LSAMP: variants seen among roughly 807,000 people sequenced by gnomAD.
LSAMP encodes limbic system-associated membrane protein.
Under a neutral mutation model 38.6 loss-of-function variants are expected in LSAMP, and 7 were observed. The ratio of observed to expected loss-of-function variants is 0.18; its 90% CI spans 0.10 to 0.34. The LOEUF (loss-of-function observed/expected upper bound fraction) is 0.34, where lower values mean the gene tolerates loss of function less well. Among genes scored for constraint, LSAMP ranks in the 10% least tolerant of loss-of-function variants. LSAMP has a pLI of 1.00. For synonymous variants in LSAMP, 154 were observed against 166.8 expected, an observed-to-expected ratio of 0.92 and a Z score of 0.59; for missense variants, 313 against 420.0, an observed-to-expected ratio of 0.75 and a Z score of 2.23.
At chr3:115,956,038 A>ATG (rs1938443526) in intron 3 of LSAMP, among the ~76,000 whole-genome samples, 1 of 152,136 alleles carries the variant, frequency 6.6e-6, no homozygotes, top group South Asian at 2.1e-4. Flanking sequence ...CCAGTTCAGA[A>ATG]TGTGACTCAG....
At chr3:116,430,988 C>CT (rs200719968) in intron 1 of LSAMP, among the ~76,000 whole-genome samples, 1 of 151,670 alleles carries the variant, frequency 6.6e-6, no homozygotes, top group East Asian at 1.9e-4. Flanking sequence ...ACATAAATAA[C>CT]TTTTTTTTAA....
chr3:116,215,889 T>C (rs577591747), intron 1 of LSAMP, among the ~76,000 whole-genome samples: 14 of 152,328 alleles, frequency 9.2e-5, no homozygotes, highest in Admixed American at 7.2e-4. Context: ...TTATTCACCA[T>C]TGTAAAGGAT....
intron 1 of LSAMP, among the ~76,000 whole-genome samples, chr3:116,180,857 T>C (rs180977723): frequency 2.4e-3 from 373 of 152,248 alleles, no homozygotes; most frequent in African/African-American, 8.4e-3. Flanking sequence ...GTTAAACAGC[T>C]GTCACTTTTT....
intron 3 of LSAMP, among the ~76,000 whole-genome samples, chr3:115,947,066 A>G (rs1938122959): frequency 6.6e-6 from 1 of 152,168 alleles, no homozygotes. Context: ...TTTTCTCTAC[A>G]GATGCAAAAT....
intron 3 of LSAMP, among the ~76,000 whole-genome samples, chr3:115,930,025 T>TTTTTTTTTTA (rs1559885322): frequency 6.8e-6 from 1 of 146,690 alleles, no homozygotes; most frequent in East Asian, 2.0e-4. Flanking sequence ...TTTTTTTTTT[T>TTTTTTTTTTA]TGACACAGCA....
At chr3:116,163,848 T>A in intron 1 of LSAMP, among the ~76,000 whole-genome samples, 1 of 152,124 alleles carries the variant, frequency 6.6e-6, no homozygotes, top group East Asian at 1.9e-4. Context: ...TTTCCTTCAT[T>A]TTTTAAAGAT....
rs188208957 is a variant in LSAMP at position 115,889,003 on chromosome 3, G to A, written c.515-36386C>T. ...CCACGCAGAGAGAATGGACAGGAAG[G>A]GAAAGAAAGCCAGTGAAGTGGAACC... On this transcript the variant is annotated intron_variant, in intron 3 of 6. Transcript: ENST00000490035. 6.0e-4 allele frequency among the ~76,000 whole-genome samples: 91 copies of A among 151,982 alleles called. 2 individuals are homozygous for A. Among genetic ancestry groups the A allele is most frequent in the Admixed American group, 5.9e-3 (90 of 15,234 alleles).
chr3:116,156,161 G>A (rs903636754), intron 1 of LSAMP, among the ~76,000 whole-genome samples: 1 of 152,074 alleles, frequency 6.6e-6, no homozygotes, highest in South Asian at 2.1e-4. Context: ...CCAGGCAGGG[G>A]GTGGCAAATG....
At chr3:115,814,266 T>C (rs1286959802) in intron 6 of LSAMP, 1 of 152,170 alleles carries the variant, frequency 6.6e-6, no homozygotes, top group Non-Finnish European at 1.5e-5. Context: ...ACATGCCAGG[T>C]CAAGGTTCTC....
At chr3:115,905,743 C>T (rs760425127) in intron 3 of LSAMP, among the ~76,000 whole-genome samples, 2 of 152,122 alleles carry the variant, frequency 1.3e-5, no homozygotes, top group Non-Finnish European at 2.9e-5. Flanking sequence ...CTAAGATGCT[C>T]ATTCCCCTCC....
intron 1 of LSAMP, among the ~76,000 whole-genome samples, chr3:116,176,899 G>T (rs191453985): frequency 6.6e-6 from 1 of 152,206 alleles, no homozygotes; most frequent in East Asian, 1.9e-4. Context: ...TTTAAGGTTA[G>T]TATTAGGTTT....
chr3:116,396,876 T>C (rs926285153), intron 1 of LSAMP, among the ~76,000 whole-genome samples: 2 of 152,226 alleles, frequency 1.3e-5, no homozygotes, highest in Admixed American at 1.3e-4. Flanking sequence ...CTTGGATTCA[T>C]CTTTCTGTCA....
At chr3:116,175,169 C>T (rs1181423085) in intron 1 of LSAMP, among the ~76,000 whole-genome samples, 1 of 151,986 alleles carries the variant, frequency 6.6e-6, no homozygotes, top group African/African-American at 2.4e-5. Flanking sequence ...TTAGGTTAAA[C>T]TATTCAAAAT....
intron 3 of LSAMP, among the ~76,000 whole-genome samples, chr3:115,933,687 A>G (rs1937619325): frequency 6.6e-6 from 1 of 152,182 alleles, no homozygotes; most frequent in Non-Finnish European, 1.5e-5. Flanking sequence ...GATCAGCGGC[A>G]GAAACGTAAG....
chr3:116,193,279 C>T (rs990640339), intron 1 of LSAMP, among the ~76,000 whole-genome samples: 7 of 152,200 alleles, frequency 4.6e-5, no homozygotes, highest in Admixed American at 4.6e-4. Context: ...GATTGTCCAA[C>T]TTCTCCTCTG....
intron 1 of LSAMP, among the ~76,000 whole-genome samples, chr3:116,255,163 G>T (rs2107652619): frequency 6.6e-6 from 1 of 152,136 alleles, no homozygotes; most frequent in South Asian, 2.1e-4. Flanking sequence ...CATCAGTAGT[G>T]ATGTTTGTTT....
intron 1 of LSAMP, among the ~76,000 whole-genome samples, chr3:116,150,624 G>A (rs1171601096): frequency 6.6e-6 from 1 of 151,942 alleles, no homozygotes; most frequent in African/African-American, 2.4e-5. Context: ...GGGGCTGAGG[G>A]CCAAGGAAGA....
chr3:116,063,104 T>C (rs1941624869), intron 2 of LSAMP, among the ~76,000 whole-genome samples: 1 of 152,192 alleles, frequency 6.6e-6, no homozygotes, highest in South Asian at 2.1e-4. Flanking sequence ...TGTGTGTGTG[T>C]GTCTGTGTGT....
intron 1 of LSAMP, among the ~76,000 whole-genome samples, chr3:116,296,456 C>T (rs1432706350): frequency 6.6e-6 from 1 of 151,808 alleles, no homozygotes; most frequent in Non-Finnish European, 1.5e-5. Flanking sequence ...CCGAGGCAGG[C>T]GGATCACCAG....
Sources: allele counts gnomAD v4.1 joint callset (sites outside exome capture counted in the v4.1 genomes callset), GRCh38; gene constraint gnomAD v4.1.1; transcripts MANE v1.5; gene names NCBI Gene and HGNC (gene_info 2026-07-23, HGNC 2026-07-21).